YWHAQ: variants seen among roughly 807,000 people sequenced by gnomAD.
YWHAQ encodes the protein 14-3-3 protein theta.
YWHAQ carries 6 observed loss-of-function variants against 28.3 expected under a neutral mutation model. The observed-to-expected ratio is 0.21, with a 90% CI of 0.12 to 0.42. The LOEUF (loss-of-function observed/expected upper bound fraction) is 0.42, where lower values mean the gene tolerates loss of function less well. Ranked by LOEUF, YWHAQ falls within the 10% of genes least tolerant of loss-of-function variation. The probability of loss-of-function intolerance (pLI) is 1.00; values close to 1 mark genes in which losing one functional copy is unlikely to be tolerated. For synonymous variants in YWHAQ, 143 were observed against 119.1 expected (o/e 1.20, Z -1.31); for missense variants, 201 against 305.6 (o/e 0.66, Z 2.55).
At chr2:9,618,342 T>C (rs1427831363) in intron 2 of YWHAQ, among the ~76,000 whole-genome samples, 7 of 152,224 alleles carry the variant, frequency 4.6e-5, no homozygotes, top group Non-Finnish European at 1.0e-4. Flanking sequence ...CTAACAAGGA[T>C]AGTATCTGCA....
intron 2 of YWHAQ, among the ~76,000 whole-genome samples, chr2:9,629,235 GATT>G (rs768755575): frequency 6.6e-6 from 1 of 152,220 alleles, no homozygotes; most frequent in East Asian, 1.9e-4. Context: ...AACCATATGA[GATT>G]ATTTCCCATT....
intron 2 of YWHAQ, among the ~76,000 whole-genome samples, chr2:9,602,343 T>C (rs1250439610): frequency 6.6e-6 from 1 of 151,994 alleles, no homozygotes; most frequent in Non-Finnish European, 1.5e-5. Flanking sequence ...TGTACCCAGA[T>C]GTTCAAGGCT....
chr2:9,616,443 CAA>C (rs748362781), intron 2 of YWHAQ, among the ~76,000 whole-genome samples: 48 of 89,532 alleles, frequency 5.4e-4, no homozygotes, highest in Non-Finnish European at 5.6e-4. Flanking sequence ...CATAAGCAAC[CAA>C]AAAAAAAAAA....
chr2:9,599,186 G>C (rs1666638164), intron 2 of YWHAQ, among the ~76,000 whole-genome samples: 1 of 152,212 alleles, frequency 6.6e-6, no homozygotes, highest in Non-Finnish European at 1.5e-5. Flanking sequence ...TGAAGGCTGA[G>C]AGAAGTAAGG....
chr2:9,588,560 C>CA (rs1448842810), intron 3 of YWHAQ, among the ~76,000 whole-genome samples: 1 of 151,988 alleles, frequency 6.6e-6, no homozygotes, highest in African/African-American at 2.4e-5. Flanking sequence ...CACTTGAGAT[C>CA]AGGAGTTCAA....
In YWHAQ at chr2:9,630,381, G is replaced by T. The variant is rs777649657; in HGVS notation, c.72C>A (p.Thr24=). The T allele has an allele frequency of 6.2e-7, 1 of 1,613,888 alleles. No homozygotes were observed. Among genetic ancestry groups the T allele is most frequent in the African/African-American group, 1.3e-5 (1 of 74,952 alleles). ...CCTGCTCGGTCACTGCCTTCATGCA[G>T]GTGGCCATGTCGTCGTAGCGCTCGG... ...EQAERYDDMA[T]CMKAVTEQGA... The change falls in exon 2 of 6, where the codon ACC becomes ACA. Residue 24 remains threonine, a synonymous_variant. Transcript: ENST00000238081. The surrounding 1 kb of genome is among the most constrained non-coding windows in gnomAD (Gnocchi z 5.6).
intron 2 of YWHAQ, among the ~76,000 whole-genome samples, chr2:9,612,369 T>C (rs1572999982): frequency 1.3e-5 from 2 of 152,218 alleles, no homozygotes; most frequent in Non-Finnish European, 2.9e-5. Flanking sequence ...AAGCCAGACA[T>C]TGTTCTGCAG....
chr2:9,601,916 G>A (rs1057387867), intron 2 of YWHAQ, among the ~76,000 whole-genome samples: 3 of 152,110 alleles, frequency 2.0e-5, no homozygotes, highest in African/African-American at 4.8e-5. Context: ...CCAAAGTGCT[G>A]GGATTACAGG....
In YWHAQ at chr2:9,585,321, C is replaced by T. The variant is rs1321647925; in HGVS notation, c.703G>A (p.Glu235Lys). The change falls in exon 6 of 6, where the codon GAA (glutamate) becomes AAA (lysine). Residue 235 changes from glutamate to lysine, a missense_variant. Glu to Lys is a moderately conservative substitution (Grantham distance 56). Around this residue, in one of 2 missense-constraint regions of YWHAQ, gnomAD observed 39 missense variants for 91.7 expected, o/e 0.43. Coordinates refer to ENST00000238081, the MANE Select transcript of YWHAQ (RefSeq NM_006826.4). ...LTLWTSDSAG[E>K]ECDAAEGAEN ...GCCCCTTCTGCCGCATCACATTCTT[C>T]TCCTGCACTGTCTGATGTCCAAAGC... 3 of 1,614,126 alleles carry T rather than the reference C, an allele frequency of 1.9e-6. No individual in the cohort carries two copies. The highest frequency in any genetic ancestry group is 2.2e-5 in the East Asian group (1 of 44,876).
At chr2:9,596,698 A>G (rs1293963379) in intron 2 of YWHAQ, among the ~76,000 whole-genome samples, 2 of 115,330 alleles carry the variant, frequency 1.7e-5, no homozygotes, top group African/African-American at 3.8e-5. Flanking sequence ...AATCTAAGCT[A>G]GAGATTTTTT....
intron 2 of YWHAQ, among the ~76,000 whole-genome samples, chr2:9,629,171 C>T (rs185065672): frequency 8.5e-5 from 13 of 152,070 alleles, no homozygotes; most frequent in African/African-American, 3.1e-4. Flanking sequence ...ATATGATGTG[C>T]ACAAACACAT....
chr2:9,584,121 A>G lies in YWHAQ; in HGVS notation c.*1165T>C, dbSNP rs1666301148. 2 of 152,618 alleles carry G rather than the reference A, an allele frequency of 1.3e-5. No homozygotes were observed. The highest frequency in any genetic ancestry group is 4.1e-4 in the South Asian group (2 of 4,832). 9.5% of individuals were successfully genotyped at this position (152,618 alleles called of 1,614,324 possible). ...TTTATACACTTCCAGGCATCCCTAG[A>G]CAAGTGTGTCACAATGCACAATGTG... On this transcript the variant is annotated 3_prime_UTR_variant, in exon 6 of 6. Transcript: ENST00000238081.
rs145513154 is a variant in YWHAQ, at chr2:9,611,795, C to A, written c.294+18364G>T. Among the ~76,000 whole-genome samples the A allele has an allele frequency of 5.8e-3, 876 of 152,220 alleles. 1 individual carries two copies. The highest frequency in any genetic ancestry group is 9.0e-3 in the Non-Finnish European group (610 of 67,998). ...AAGCGATTCTCGTGCCTCAGCCACC[C>A]GAGTAGCTGGGATTACAGGTGTGCA... On this transcript the variant is annotated intron_variant, in intron 2 of 5. Coordinates refer to ENST00000238081, the MANE Select transcript of YWHAQ (RefSeq NM_006826.4).
At chr2:9,590,037 T>C (rs544594318) in intron 3 of YWHAQ, among the ~76,000 whole-genome samples, 2 of 152,358 alleles carry the variant, frequency 1.3e-5, no homozygotes, top group Middle Eastern at 6.8e-3. Context: ...TAAGAAGTTC[T>C]TGCAGCTTGG....
At position 9,615,574 on chromosome 2, in the gene YWHAQ, T is replaced by C. The variant is rs547525414; in HGVS notation, c.294+14585A>G. 9.2e-5 allele frequency among the ~76,000 whole-genome samples: 14 copies of C among 152,232 alleles called. No homozygotes were observed. In the East Asian group the frequency reaches 2.5e-3, roughly 27 times the overall value. On this transcript the variant is annotated intron_variant, in intron 2 of 5. Coordinates refer to ENST00000238081, the MANE Select transcript of YWHAQ (RefSeq NM_006826.4). Reference sequence around the variant, plus strand: ...GTCCTCTTAGGGAACCCAAACTCCATGTTACATGGTAATGATTGAGTGAAG... The same window carrying C: ...GTCCTCTTAGGGAACCCAAACTCCACGTTACATGGTAATGATTGAGTGAAG...
intron 2 of YWHAQ, among the ~76,000 whole-genome samples, chr2:9,629,514 T>C (rs762884386): frequency 1.2e-4 from 18 of 152,148 alleles, no homozygotes; most frequent in Non-Finnish European, 2.2e-4. Context: ...ACTTCAACAC[T>C]AGTGTTTAAG....
chr2:9,616,443 CA>C (rs748362781), intron 2 of YWHAQ, among the ~76,000 whole-genome samples: 1,644 of 89,546 alleles, frequency 0.018, 20 homozygotes, highest in African/African-American at 0.034. Flanking sequence ...CATAAGCAAC[CA>C]AAAAAAAAAA....
intron 2 of YWHAQ, among the ~76,000 whole-genome samples, chr2:9,594,949 A>G (rs1260216812): frequency 6.6e-6 from 1 of 152,244 alleles, no homozygotes; most frequent in Non-Finnish European, 1.5e-5. Context: ...TACTGCATTC[A>G]TTACAACACA....
chr2:9,600,771 C>G (rs1271616287), intron 2 of YWHAQ, among the ~76,000 whole-genome samples: 7 of 152,076 alleles, frequency 4.6e-5, no homozygotes, highest in Admixed American at 4.6e-4. Context: ...ATGCAGCAAA[C>G]TTCACTGTTG....
Sources: allele counts gnomAD v4.1 joint callset (sites outside exome capture counted in the v4.1 genomes callset), GRCh38; gene constraint gnomAD v4.1.1; regional missense constraint gnomAD v4.1.1; non-coding constraint Gnocchi (gnomAD v3.1); transcripts MANE v1.5; gene names NCBI Gene and HGNC (gene_info 2026-07-23, HGNC 2026-07-21).